The following PCDH15 variants were observed in gnomAD, a reference collection of about 807,000 sequenced individuals.
PCDH15 encodes the protein protocadherin-15.
In PCDH15, 129 loss-of-function variants were observed where a neutral mutation model predicts 178.5. That is an observed-to-expected ratio of 0.72 (90% CI 0.63 to 0.84). The LOEUF (loss-of-function observed/expected upper bound fraction) is 0.84, where lower values mean the gene tolerates loss of function less well. PCDH15 is among the 40% of genes least tolerant of loss of function. The pLI is 0.00. For missense variants in PCDH15, 2,230 were observed against 2,099.9 expected (o/e 1.06, Z -1.21); for synonymous variants, 800 against 732.0 (o/e 1.09, Z -1.50).
intron 2 of PCDH15, among the ~76,000 whole-genome samples, chr10:55,445,252 T>G (rs1014806292): frequency 6.6e-6 from 1 of 152,162 alleles, no homozygotes; most frequent in Non-Finnish European, 1.5e-5. Flanking sequence ...GACTGGTGTT[T>G]GAACACCTTG....
chr10:54,112,479 A>C (rs1250821484), intron 15 of PCDH15, among the ~76,000 whole-genome samples: 1 of 152,152 alleles, frequency 6.6e-6, no homozygotes, highest in Non-Finnish European at 1.5e-5. Context: ...TCTGTCATAG[A>C]GTCCAATTAA....
At chr10:54,610,807 G>T (rs1457355782) in intron 2 of PCDH15, among the ~76,000 whole-genome samples, 2 of 151,850 alleles carry the variant, frequency 1.3e-5, no homozygotes, top group African/African-American at 4.8e-5. Flanking sequence ...TAATGGATCA[G>T]CTTTTGTCTC....
chr10:53,911,878 C>T (rs994442510), intron 25 of PCDH15, among the ~76,000 whole-genome samples: 1 of 152,202 alleles, frequency 6.6e-6, no homozygotes, highest in Non-Finnish European at 1.5e-5. Flanking sequence ...CAAAGAGGAG[C>T]TGGTACCATT....
intron 2 of PCDH15, among the ~76,000 whole-genome samples, chr10:54,653,897 T>G (rs535582914): frequency 7.2e-5 from 11 of 152,362 alleles, no homozygotes; most frequent in Admixed American, 6.5e-4. Flanking sequence ...TATTTTGGGG[T>G]ACAATGTGAT....
intron 2 of PCDH15, among the ~76,000 whole-genome samples, chr10:55,625,355 A>G (rs562866786): frequency 1.3e-5 from 2 of 152,296 alleles, no homozygotes; most frequent in South Asian, 4.1e-4. Flanking sequence ...ATACTAGGGA[A>G]AGTTTTTAGA....
At chr10:55,038,613 C>T (rs889368901) in intron 2 of PCDH15, among the ~76,000 whole-genome samples, 2 of 152,168 alleles carry the variant, frequency 1.3e-5, no homozygotes, top group Admixed American at 6.6e-5. Context: ...TGGGCAAACC[C>T]TTAATAACCA....
chr10:54,567,643 T>C (rs1280388069), intron 2 of PCDH15, among the ~76,000 whole-genome samples: 4 of 152,216 alleles, frequency 2.6e-5, no homozygotes, highest in Non-Finnish European at 5.9e-5. Context: ...TCAAGATCTC[T>C]ATGCTCTATG....
chr10:55,027,883 T>C (rs569820405), intron 2 of PCDH15, among the ~76,000 whole-genome samples: 3 of 152,016 alleles, frequency 2.0e-5, no homozygotes, highest in Admixed American at 1.3e-4. Flanking sequence ...AGCAAATAAT[T>C]ATTAAGTGAA....
At chr10:55,367,847 C>G (rs777510343) in intron 2 of PCDH15, among the ~76,000 whole-genome samples, 1 of 151,962 alleles carries the variant, frequency 6.6e-6, no homozygotes, top group African/African-American at 2.4e-5. Flanking sequence ...GTTTTCCTAC[C>G]TAGGAACCCA....
At chr10:53,807,353 A>C (rs977528925) in intron 37 of PCDH15, among the ~76,000 whole-genome samples, 18 of 152,132 alleles carry the variant, frequency 1.2e-4, no homozygotes, top group Admixed American at 4.6e-4. Flanking sequence ...TGTATTGTTG[A>C]GTTGGAAAGC....
At chr10:54,347,846 A>ATTATTTATTTATTTAT (rs374427938) in intron 5 of PCDH15, among the ~76,000 whole-genome samples, 51 of 151,660 alleles carry the variant, frequency 3.4e-4, no homozygotes, top group African/African-American at 1.1e-3. Flanking sequence ...ACAGATTTTT[A>ATTATTTATTTATTTAT]TTATTTATTT....
chr10:54,548,925 C>T (rs1448148999), intron 2 of PCDH15, among the ~76,000 whole-genome samples: 2 of 149,868 alleles, frequency 1.3e-5, no homozygotes, highest in Admixed American at 6.7e-5. Flanking sequence ...TGTCAGATGT[C>T]GCTATGTATA....
At chr10:54,671,321 AAT>A (rs1473521913) in intron 1 of PCDH15, among the ~76,000 whole-genome samples, 1 of 152,174 alleles carries the variant, frequency 6.6e-6, no homozygotes, top group African/African-American at 2.4e-5. Context: ...CAAATAAATT[AAT>A]GAGTAAATGA....
rs148605899 is a variant in PCDH15, at chr10:54,608,130, C to T, written c.91+56042G>A. Among the ~76,000 whole-genome samples the T allele has an allele frequency of 9.7e-4, 147 of 151,760 alleles. 1 individual carries two copies. The highest frequency in any genetic ancestry group is 1.8e-3 in the Non-Finnish European group (123 of 67,882). ...CTAGGCATAGCCCTGAGGGGATTTC[C>T]GAGCAAAAAAATCCCAGGGGATTTG... On this transcript the variant is annotated intron_variant, in intron 2 of 37. Transcript: ENST00000644397.
At chr10:53,920,445 G>T (rs1175311409) in intron 25 of PCDH15, among the ~76,000 whole-genome samples, 1 of 151,652 alleles carries the variant, frequency 6.6e-6, no homozygotes, top group Non-Finnish European at 1.5e-5. Flanking sequence ...AATTGAAAAA[G>T]ATATATAATT....
intron 3 of PCDH15, among the ~76,000 whole-genome samples, chr10:54,832,304 G>C (rs774244810): frequency 1.3e-5 from 2 of 152,124 alleles, no homozygotes; most frequent in Non-Finnish European, 2.9e-5. Context: ...TTAACTCTGA[G>C]TGAGTACAAA....
chr10:54,608,359 C>T (rs962275766), intron 2 of PCDH15, among the ~76,000 whole-genome samples: 8 of 151,752 alleles, frequency 5.3e-5, no homozygotes, highest in Non-Finnish European at 8.8e-5. Context: ...ATAGTCCAGC[C>T]ACTTAGAGAG....
At chr10:53,991,274 C>T (rs1167209691) in intron 21 of PCDH15, among the ~76,000 whole-genome samples, 1 of 152,194 alleles carries the variant, frequency 6.6e-6, no homozygotes, top group Non-Finnish European at 1.5e-5. Context: ...AGCTGGGCTC[C>T]TGAGTCTGGT....
rs549674984 is a variant in PCDH15, at chr10:54,717,359, C to T, written c.-28-53069G>A. ...TGGGAGAAAATTTTCGCAACCTACT[C>T]ATCTGACAAAGGGCTAATATCCAGA... On this transcript the variant is annotated intron_variant, in intron 1 of 37. Transcript: ENST00000644397. 8.0e-4 allele frequency among the ~76,000 whole-genome samples: 101 copies of T among 125,994 alleles called. 3 individuals carry two copies. Among genetic ancestry groups the T allele is most frequent in the Non-Finnish European group, 1.4e-3 (85 of 59,798 alleles). The allele number at this position is 125,994 out of a possible 152,430, so 82.7% of individuals were successfully genotyped here.
Sources: allele counts gnomAD v4.1 joint callset (sites outside exome capture counted in the v4.1 genomes callset), GRCh38; gene constraint gnomAD v4.1.1; transcripts MANE v1.5; gene names NCBI Gene and HGNC (gene_info 2026-07-23, HGNC 2026-07-21).